The following USP42 variants were observed in gnomAD, a reference collection of about 807,000 sequenced individuals.
USP42 encodes ubiquitin carboxyl-terminal hydrolase 42.
In USP42, 23 loss-of-function variants were observed where a neutral mutation model predicts 113.0. The ratio of observed to expected loss-of-function variants is 0.20; its 90% CI spans 0.15 to 0.29. The LOEUF is 0.29. Among genes scored for constraint, USP42 ranks in the 10% least tolerant of loss-of-function variants. The pLI is 1.00. For synonymous variants in USP42, 933 were observed against 699.0 expected (o/e 1.33, Z -5.28); for missense variants, 2,174 against 1,779.8 (o/e 1.22, Z -3.99).
rs1033371057 is a variant in USP42, at chr7:6,157,458, G to A, written c.3943+403G>A. On this transcript the variant is annotated intron_variant, in intron 16 of 17. Coordinates refer to ENST00000306177, the MANE Select transcript of USP42 (RefSeq NM_032172.3). This position sits in a 1 kb window ranked among gnomAD's most constrained non-coding sequence, Gnocchi z 4.1. ...ATTGCCCAGGCTGGAGTGCAGTGGC[G>A]GCGATCTCAGCTCACTGCAACCTCT... is the stretch of plus-strand genomic sequence containing the variant. 9.2e-6 allele frequency: 8 copies of A among 872,054 alleles called. No homozygotes were observed. Among genetic ancestry groups the A allele is most frequent in the Non-Finnish European group, 1.1e-5 (8 of 726,830 alleles). 54.0% of individuals were successfully genotyped at this position (872,054 alleles called of 1,614,324 possible).
intron 3 of USP42, among the ~76,000 whole-genome samples, chr7:6,132,173 G>T (rs994697646): frequency 2.0e-5 from 3 of 152,054 alleles, no homozygotes; most frequent in African/African-American, 7.2e-5. Flanking sequence ...CGATCCACCC[G>T]CCTTGGCTTC....
rs777189772 is a variant in USP42, at chr7:6,154,944, C to T, written c.3390C>T (p.Asp1130=). 1.8e-5 allele frequency: 28 copies of T among 1,553,722 alleles called. No homozygotes were observed. The highest frequency in any genetic ancestry group is 1.7e-4 in the Middle Eastern group (1 of 6,018). ...GAPHALAPHP[D]RFSHDRTALV... is the part of the protein sequence containing the mutation. ...CCCACGCCCTCGCCCCGCACCCCGA[C>T]CGCTTCTCCCACGACAGAACTGCAC... is the stretch of plus-strand genomic sequence containing the variant. Residue 1130 remains aspartate (D), a synonymous_variant, in exon 15 of 18, where the codon GAC becomes GAT. Coordinates refer to ENST00000306177, the MANE Select transcript of USP42 (RefSeq NM_032172.3).
At chr7:6,133,437 A>G (rs558543216) in intron 3 of USP42, among the ~76,000 whole-genome samples, 3 of 152,312 alleles carry the variant, frequency 2.0e-5, no homozygotes, top group South Asian at 2.1e-4. Flanking sequence ...CCCATAATGA[A>G]TATCTTCAAG....
intron 3 of USP42, among the ~76,000 whole-genome samples, chr7:6,130,556 C>T (rs12535202): frequency 6.6e-6 from 1 of 152,144 alleles, no homozygotes; most frequent in Admixed American, 6.6e-5. Flanking sequence ...TTTGTTCATC[C>T]AGTATGGTTG....
At chr7:6,126,395 C>T (rs983341760) in intron 3 of USP42, among the ~76,000 whole-genome samples, 7 of 152,098 alleles carry the variant, frequency 4.6e-5, no homozygotes, top group Non-Finnish European at 1.0e-4. Context: ...CGCCATTCTC[C>T]TGCCTCAGCC....
chr7:6,134,728 C>G (rs927195083), intron 3 of USP42, among the ~76,000 whole-genome samples: 1 of 152,158 alleles, frequency 6.6e-6, no homozygotes, highest in Non-Finnish European at 1.5e-5. Flanking sequence ...CCATAGAGAC[C>G]ACCATCTGTG....
chr7:6,101,175 G>A (rs746972693), upstream of USP42, among the ~76,000 whole-genome samples: 8 of 151,114 alleles, frequency 5.3e-5, no homozygotes, highest in Non-Finnish European at 8.8e-5. Context: ...CAGGAGAAGA[G>A]GCAGCTGTGA....
intron 3 of USP42, among the ~76,000 whole-genome samples, chr7:6,135,334 C>A (rs1315424391): frequency 1.3e-5 from 2 of 151,982 alleles, no homozygotes; most frequent in African/African-American, 4.8e-5. Context: ...CTAATATATA[C>A]TTATCACTTA....
chr7:6,126,067 A>G (rs1011817830), intron 3 of USP42, among the ~76,000 whole-genome samples: 1 of 151,838 alleles, frequency 6.6e-6, no homozygotes, highest in Non-Finnish European at 1.5e-5. Context: ...TTCCAAGCCC[A>G]CTTGTGTCCC....
the USP42 span, chr7:6,093,107 C>G: frequency 6.7e-6 from 1 of 150,194 alleles, no homozygotes; most frequent in South Asian, 2.1e-4. Context: ...TCTGAGTAAA[C>G]GGAAGGTACT....
rs939798482 is a variant in USP42 at position 6,154,474 on chromosome 7, G to A, written c.2920G>A (p.Glu974Lys). The A allele has an allele frequency of 4.5e-6, 7 of 1,555,714 alleles. No individual in the cohort carries two copies. The African/African-American group carries it at 8.2e-5, about 18-fold the overall frequency. The change falls in exon 15 of 18, where the codon GAG becomes AAG. Residue 974 changes from glutamate to lysine, a missense_variant. Coordinates refer to ENST00000306177, the MANE Select transcript of USP42 (RefSeq NM_032172.3). ...CGCCAGAGAGAGCAGGAGCAAGACT[G>A]AGGGCCACCGTCACCGGCGGCGCCG... Reference protein sequence around the residue: ...EPARESRSKTEGHRHRRRRTC... With the variant: ...EPARESRSKTKGHRHRRRRTC...
chr7:6,156,946 T>C lies in USP42; in HGVS notation c.3834T>C (p.Pro1278=). ...AQFRRAQGGF[P]LSGGPPLEGV... ...TCCGGAGAGCCCAGGGTGGCTTTCCTCTCTCTGGTGGCCCGCCTCTGGAAG... is the reference window on the plus strand; with the variant it reads ...TCCGGAGAGCCCAGGGTGGCTTTCCCCTCTCTGGTGGCCCGCCTCTGGAAG... Residue 1278 remains proline, a synonymous_variant, in exon 16 of 18, where the codon CCT becomes CCC. Transcript: ENST00000306177. 6.2e-7 allele frequency: 1 copy of C among 1,613,834 alleles called. No individual in the cohort carries two copies. Among genetic ancestry groups the C allele is most frequent in the Admixed American group, 1.7e-5 (1 of 59,994 alleles).
At chr7:6,131,982 G>T (rs1056578115) in intron 3 of USP42, among the ~76,000 whole-genome samples, 1 of 152,206 alleles carries the variant, frequency 6.6e-6, no homozygotes, top group East Asian at 1.9e-4. Flanking sequence ...ACCCAGGCTA[G>T]AGTGCAGTGG....
intron 15 of USP42, among the ~76,000 whole-genome samples, chr7:6,155,727 C>T (rs1360822396): frequency 6.6e-6 from 1 of 152,152 alleles, no homozygotes; most frequent in African/African-American, 2.4e-5. Flanking sequence ...CTCCATTTTT[C>T]AACTTGAAAT....
intron 3 of USP42, among the ~76,000 whole-genome samples, chr7:6,123,859 C>A (rs1325633474): frequency 6.7e-6 from 1 of 148,286 alleles, no homozygotes; most frequent in Admixed American, 6.7e-5. Context: ...AAAGCCACTC[C>A]AGTTTTCTTT....
intron 12 of USP42, among the ~76,000 whole-genome samples, chr7:6,148,815 A>G (rs1265487267): frequency 1.3e-5 from 2 of 152,198 alleles, no homozygotes; most frequent in Admixed American, 6.5e-5. Flanking sequence ...TCACACATCA[A>G]ATGCCCAGCG....
the USP42 span, among the ~76,000 whole-genome samples, chr7:6,093,296 T>G: frequency 6.7e-6 from 1 of 149,026 alleles, no homozygotes; most frequent in Non-Finnish European, 1.5e-5. Context: ...TCTCTTTTTT[T>G]TTGCCTTGGG....
chr7:6,138,478 G>A (rs931590840), intron 4 of USP42, among the ~76,000 whole-genome samples: 1 of 152,170 alleles, frequency 6.6e-6, no homozygotes, highest in Non-Finnish European at 1.5e-5. Context: ...AAAACAGCCA[G>A]TTTATTCAAG....
At chr7:6,155,558 A>G (rs1420972697) in intron 15 of USP42, among the ~76,000 whole-genome samples, 1 of 151,582 alleles carries the variant, frequency 6.6e-6, no homozygotes, top group African/African-American at 2.4e-5. Context: ...TAATATTCTT[A>G]CTTGTCAGAT....
Sources: gnomAD v4.1 joint callset for allele counts (sites outside exome capture counted in the v4.1 genomes callset) on GRCh38, gnomAD v4.1.1 for gene constraint, Gnocchi (gnomAD v3.1) non-coding constraint, MANE v1.5 for transcripts, NCBI Gene and HGNC (gene_info 2026-07-23, HGNC 2026-07-21) for gene names.